Variants in OBI1 observed in about 807,000 individuals in gnomAD.
OBI1 encodes ORC ubiquitin ligase 1, also known as ring finger protein 219.
OBI1 carries 59 observed loss-of-function variants against 62.4 expected under a neutral mutation model. The observed-to-expected ratio is 0.95, with a 90% CI of 0.77 to 1.17. The LOEUF (loss-of-function observed/expected upper bound fraction) is 1.17. OBI1 is among the 50% of genes most tolerant of loss of function. The pLI is 0.00. For synonymous variants in OBI1, 302 were observed against 292.8 expected (o/e 1.03, Z -0.32); for missense variants, 875 against 830.9 (o/e 1.05, Z -0.65).
rs769249561 is a variant in OBI1 at position 78,659,098 on chromosome 13, A to C, written c.23T>G (p.Val8Gly). The C allele has an allele frequency of 4.3e-6, 7 of 1,612,454 alleles. No homozygotes were observed. In the South Asian group the frequency reaches 7.7e-5, roughly 18 times the overall value. MAQTVQN[V>G]TLSLTLPITC... Reference sequence around the variant, plus strand: ...GATGGGCAGAGTGAGCGACAATGTAACATTCTGCACGGTCTGAGCCATGGC... The same window carrying C: ...GATGGGCAGAGTGAGCGACAATGTACCATTCTGCACGGTCTGAGCCATGGC... Residue 8 changes from valine to glycine, a missense_variant, in exon 1 of 6, where the codon GTT becomes GGT. Val to Gly is a moderately radical substitution (Grantham distance 109, BLOSUM62 -3). Transcript: ENST00000282003.
chr13:78,643,025 C>A (rs7334037), intron 2 of OBI1, among the ~76,000 whole-genome samples: 5,357 of 152,282 alleles, frequency 0.035, 311 homozygotes, highest in African/African-American at 0.12. Flanking sequence ...AATGCACTCA[C>A]AATGAATTCT....
intron 1 of OBI1, among the ~76,000 whole-genome samples, chr13:78,655,765 A>G (rs1876682151): frequency 6.6e-6 from 1 of 152,192 alleles, no homozygotes; most frequent in Non-Finnish European, 1.5e-5. Flanking sequence ...TAGCACAAGA[A>G]CAATTATCTT....
chr13:78,634,594 CT>C (rs1283053258), intron 5 of OBI1, among the ~76,000 whole-genome samples: 1 of 152,112 alleles, frequency 6.6e-6, no homozygotes, highest in Non-Finnish European at 1.5e-5. Flanking sequence ...ACTGCGCCCC[CT>C]GGTCAAATGC....
chr13:78,644,954 G>A lies in OBI1; in HGVS notation c.116C>T (p.Ser39Leu), dbSNP rs373700768. Reference sequence around the variant, plus strand: ...CTTCAACCACAAATCAATACAAATCGAACAAAATACATGGTTGTTGATGCA... The same window carrying A: ...CTTCAACCACAAATCAATACAAATCAAACAAAATACATGGTTGTTGATGCA... The part of the protein sequence containing the change: ...VICINNHVFC[S>L]ICIDLWLKNN... Residue 39 changes from serine (S) to leucine (L), a missense_variant, in exon 2 of 6, where the codon TCG becomes TTG. Ser to Leu is a moderately radical substitution (Grantham distance 145). Coordinates refer to ENST00000282003, the MANE Select transcript of OBI1 (RefSeq NM_024546.4). 1.6e-5 allele frequency: 26 copies of A among 1,613,376 alleles called. No homozygotes were observed. The Admixed American group carries it at 2.2e-4, about 13-fold the overall frequency.
intron 5 of OBI1, among the ~76,000 whole-genome samples, chr13:78,627,532 T>C (rs566187843): frequency 3.9e-5 from 6 of 152,120 alleles, no homozygotes; most frequent in Non-Finnish European, 8.8e-5. Flanking sequence ...TGATGTTTAG[T>C]TTTCTGTTCC....
intron 5 of OBI1, among the ~76,000 whole-genome samples, chr13:78,629,203 T>G (rs1362768860): frequency 2.0e-5 from 3 of 152,116 alleles, no homozygotes; most frequent in Non-Finnish European, 4.4e-5. Context: ...ATGACAAGCC[T>G]TGGGGTTGCT....
At chr13:78,622,943 A>G (rs1433507938) in intron 5 of OBI1, among the ~76,000 whole-genome samples, 1 of 152,180 alleles carries the variant, frequency 6.6e-6, no homozygotes, top group East Asian at 1.9e-4. Context: ...AGCCTCTGGC[A>G]TCTCTTTTCT....
At chr13:78,626,243 T>C (rs1398258752) in intron 5 of OBI1, among the ~76,000 whole-genome samples, 1 of 152,224 alleles carries the variant, frequency 6.6e-6, no homozygotes, top group East Asian at 1.9e-4. Context: ...GAATCTCTGA[T>C]TTCCTGTTTT....
At chr13:78,639,459 G>A (rs936260580) in intron 3 of OBI1, among the ~76,000 whole-genome samples, 2 of 151,910 alleles carry the variant, frequency 1.3e-5, no homozygotes, top group Non-Finnish European at 2.9e-5. Flanking sequence ...CTAGAACTAG[G>A]AATACCATTT....
At position 78,639,047 on chromosome 13, in the gene OBI1, CT is replaced by C. The variant is rs1262441482; in HGVS notation, c.324del (p.Glu109LysfsTer2). On this transcript the variant is annotated frameshift_variant, in exon 4 of 6. Coordinates refer to ENST00000282003, the MANE Select transcript of OBI1 (RefSeq NM_024546.4). LOFTEE classifies it high-confidence loss of function. ...TTTTTACTCTTAAGCTCTTCTACTT[CT>C]TTCTGTAAACAATCTATTTCGTCCT... ...EYEDEIDCLQ[K>X]EVEELKSKNL... 1 of 1,613,218 alleles carries C rather than the reference CT, an allele frequency of 6.2e-7. No individual in the cohort carries two copies. The highest frequency in any genetic ancestry group is 1.7e-5 in the Admixed American group (1 of 59,904).
chr13:78,633,491 G>A (rs1368121435), intron 5 of OBI1, among the ~76,000 whole-genome samples: 4 of 152,116 alleles, frequency 2.6e-5, no homozygotes, highest in African/African-American at 9.7e-5. Context: ...GCTTATTCCT[G>A]CATTGTCTTT....
intron 1 of OBI1, among the ~76,000 whole-genome samples, chr13:78,658,577 A>G (rs1876781349): frequency 6.6e-6 from 1 of 152,220 alleles, no homozygotes. Flanking sequence ...TGGAAATGGA[A>G]AAGACTCAAT....
intron 1 of OBI1, among the ~76,000 whole-genome samples, chr13:78,648,050 G>A (rs532625472): frequency 1.3e-5 from 2 of 152,048 alleles, no homozygotes; most frequent in South Asian, 4.1e-4. Flanking sequence ...GCAGCCAGGA[G>A]TGAACGCTTA....
chr13:78,615,997 C>T lies in OBI1; in HGVS notation c.1764G>A (p.Glu588=), dbSNP rs147666396. ...EEPDKLEEKT[E]LNLSKGSLTN... The stretch of plus-strand genomic sequence containing the variant: ...TTAGAGAACCTTTGGAAAGGTTTAG[C>T]TCAGTTTTTTCTTCCAACTTATCAG... Residue 588 remains glutamate, a synonymous_variant, in exon 6 of 6, where the codon GAG becomes GAA. Transcript: ENST00000282003. 4.3e-6 allele frequency: 7 copies of T among 1,614,102 alleles called. No homozygotes were observed. The African/African-American group carries it at 5.3e-5, about 12-fold the overall frequency.
At chr13:78,651,237 G>A (rs1876534252) in intron 1 of OBI1, among the ~76,000 whole-genome samples, 2 of 151,944 alleles carry the variant, frequency 1.3e-5, no homozygotes. Context: ...TTTTGTCTTT[G>A]ATCTACTGCA....
intron 1 of OBI1, among the ~76,000 whole-genome samples, chr13:78,649,462 C>T (rs1271842330): frequency 6.6e-6 from 1 of 152,224 alleles, no homozygotes; most frequent in Non-Finnish European, 1.5e-5. Flanking sequence ...TTGGAAGTCA[C>T]TCTGATCAGT....
chr13:78,638,815 C>T lies in OBI1; in HGVS notation c.549+8G>A, dbSNP rs199565068. The stretch of plus-strand genomic sequence containing the variant: ...AACCATAATAGATTTTTAAAAACCA[C>T]AACTTACCTCCTTTAGCTTATCCAC... On this transcript the variant is annotated splice_region_variant and intron_variant, in intron 4 of 5. Coordinates refer to ENST00000282003, the MANE Select transcript of OBI1 (RefSeq NM_024546.4). 7 of 1,598,644 alleles carry T rather than the reference C, an allele frequency of 4.4e-6. No homozygotes were observed. The East Asian group carries it at 1.3e-4, about 31-fold the overall frequency.
At position 78,616,446 on chromosome 13, in the gene OBI1, T is replaced by G. The variant is rs1875291966; in HGVS notation, c.1315A>C (p.Asn439His). ...DDFCDSSNVS[N>H]KDSSEDDISR... ...ATATCATCTTCTGAAGAATCTTTAT[T>G]AGAAACATTTGAAGAATCACAAAAA... is the stretch of plus-strand genomic sequence containing the variant. The change falls in exon 6 of 6, where the codon AAT (asparagine) becomes CAT (histidine). Residue 439 changes from asparagine (N) to histidine (H), a missense_variant. By Grantham distance (68) the Asn-to-His change is moderately conservative. Coordinates refer to ENST00000282003, the MANE Select transcript of OBI1 (RefSeq NM_024546.4). 7 of 1,613,384 alleles carry G rather than the reference T, an allele frequency of 4.3e-6. No individual in the cohort carries two copies. In the Admixed American group the frequency reaches 1.2e-4, roughly 27 times the overall value.
chr13:78,650,077 A>C (rs1876502557), intron 1 of OBI1, among the ~76,000 whole-genome samples: 1 of 152,214 alleles, frequency 6.6e-6, no homozygotes, highest in African/African-American at 2.4e-5. Flanking sequence ...GTGGTTTCTA[A>C]TGCAAAGTAA....
Sources: allele counts gnomAD v4.1 joint callset (sites outside exome capture counted in the v4.1 genomes callset), GRCh38; gene constraint gnomAD v4.1.1; transcripts MANE v1.5; gene names NCBI Gene and HGNC (gene_info 2026-07-23, HGNC 2026-07-21).